ANXA3: variants seen among roughly 807,000 people sequenced by gnomAD.
The protein encoded by ANXA3 is annexin A3.
A neutral mutation model predicts 48.8 loss-of-function variants in ANXA3; 46 were observed. The observed-to-expected ratio is 0.94, with a 90% CI of 0.74 to 1.21. The LOEUF is 1.21. Ranked by LOEUF, ANXA3 falls within the 50% of genes most tolerant of loss-of-function variation. The probability of loss-of-function intolerance (pLI) is 0.00; values close to 1 mark genes in which losing one functional copy is unlikely to be tolerated. For missense variants in ANXA3, 383 were observed against 378.6 expected, an observed-to-expected ratio of 1.01 and a Z score of -0.10; for synonymous variants, 128 against 134.7, an observed-to-expected ratio of 0.95 and a Z score of 0.35.
chr4:78,603,475 T>A (rs1723586584), intron 11 of ANXA3: 1 of 152,212 alleles, frequency 6.6e-6, no homozygotes, highest in South Asian at 2.1e-4. Flanking sequence ...CCATCCCTAC[T>A]GCCTTTATTC....
At chr4:78,561,766 T>G (rs952456142) in intron 2 of ANXA3, among the ~76,000 whole-genome samples, 1 of 152,144 alleles carries the variant, frequency 6.6e-6, no homozygotes, top group Non-Finnish European at 1.5e-5. Context: ...TGTTCAAGTC[T>G]GCTGTGTGTT....
rs563800023 is a variant in ANXA3 at position 78,593,272 on chromosome 4, G to A, written c.483+1649G>A. Among the ~76,000 whole-genome samples, 26 of 151,882 alleles carry A rather than the reference G, an allele frequency of 1.7e-4. No individual in the cohort carries two copies. In the South Asian group the frequency reaches 2.3e-3, roughly 13 times the overall value. On this transcript the variant is annotated intron_variant, in intron 7 of 12. Coordinates refer to ENST00000264908, the MANE Select transcript of ANXA3 (RefSeq NM_005139.3). ...GACTGGAGTGCTGTGGTGCGATCTC[G>A]GCTCACTGCAACCTCTGCCTCCCAG...
At chr4:78,601,690 A>T in intron 11 of ANXA3, 122 bp downstream of exon 11, 1 of 820,428 alleles carries the variant, frequency 1.2e-6, no homozygotes, top group South Asian at 1.8e-5. Flanking sequence ...TTTTAAGATA[A>T]ATTATATTAC....
intron 2 of ANXA3, among the ~76,000 whole-genome samples, chr4:78,568,625 A>G (rs1722779166): frequency 6.6e-6 from 1 of 152,016 alleles, no homozygotes; most frequent in Non-Finnish European, 1.5e-5. Context: ...TTTCTCTTCC[A>G]CTCATCCTTC....
chr4:78,576,154 C>T (rs1266022815), intron 3 of ANXA3, among the ~76,000 whole-genome samples: 2 of 152,102 alleles, frequency 1.3e-5, no homozygotes, highest in Admixed American at 1.3e-4. Context: ...GCTCTTTGCC[C>T]TCCTCTATGA....
chr4:78,588,821 T>C (rs1010604354), intron 6 of ANXA3, among the ~76,000 whole-genome samples: 2 of 152,150 alleles, frequency 1.3e-5, no homozygotes, highest in East Asian at 1.9e-4. Flanking sequence ...TGGAACCTAA[T>C]AGGGAGCGGG....
chr4:78,561,631 ACTC>A (rs764919969), intron 2 of ANXA3, among the ~76,000 whole-genome samples: 4 of 151,844 alleles, frequency 2.6e-5, no homozygotes, highest in Non-Finnish European at 5.9e-5. Flanking sequence ...AATATGCTGA[ACTC>A]CTCCTCTGGT....
In ANXA3 at chr4:78,586,342, A is replaced by G. The variant is rs772058097; in HGVS notation, c.395A>G (p.Tyr132Cys). 7.4e-6 allele frequency: 12 copies of G among 1,611,222 alleles called. No individual in the cohort carries two copies. The highest frequency in any genetic ancestry group is 2.7e-5 in the African/African-American group (2 of 74,824). ...CAAATGAAGGATATCTCTCAAGCCT[A>G]TTATACAGGTGTCTTATTTTCTGCT... The part of the protein sequence containing the change: ...SRQMKDISQA[Y>C]YTVYKKSLGD... The change falls in exon 6 of 13, where the codon TAT becomes TGT. Residue 132 changes from tyrosine (Y) to cysteine (C), a missense_variant. Transcript: ENST00000264908.
chr4:78,562,467 T>G (rs1722645907), intron 2 of ANXA3, among the ~76,000 whole-genome samples: 2 of 152,216 alleles, frequency 1.3e-5, no homozygotes, highest in Non-Finnish European at 2.9e-5. Flanking sequence ...AGGTGAAGAT[T>G]GCATTTGTAG....
At chr4:78,568,358 C>A (rs1453870274) in intron 2 of ANXA3, among the ~76,000 whole-genome samples, 1 of 152,136 alleles carries the variant, frequency 6.6e-6, no homozygotes, top group Non-Finnish European at 1.5e-5. Flanking sequence ...AGCTTCATGA[C>A]CCAACATAGC....
At chr4:78,604,191 C>A in intron 11 of ANXA3, 86 bp from the exon 12 acceptor site, 1 of 1,258,868 alleles carries the variant, frequency 7.9e-7, no homozygotes, top group East Asian at 2.5e-5. Flanking sequence ...TTTTGCACAC[C>A]ATTATCTGAT....
chr4:78,584,177 T>C (rs187635613), intron 5 of ANXA3, among the ~76,000 whole-genome samples: 1 of 152,318 alleles, frequency 6.6e-6, no homozygotes, highest in Admixed American at 6.5e-5. Context: ...TAAAAGTATC[T>C]TGTCTATTTA....
intron 4 of ANXA3, 45 bp from the exon 5 acceptor site, chr4:78,582,132 G>C (rs1723083411): frequency 7.4e-7 from 1 of 1,350,070 alleles, no homozygotes; most frequent in East Asian, 2.3e-5. Flanking sequence ...TAGAGAAAGA[G>C]AAAAAAAGTA....
In ANXA3 at chr4:78,604,436, C is replaced by T. The variant is rs201907030; in HGVS notation, c.912+37C>T. ...TTTAAAAATAGCAAAACATATTTTG[C>T]CCTTCTCTACCCATCTCCTTACTCT... On this transcript the variant is annotated intron_variant, in intron 12 of 12. Transcript: ENST00000264908. 2.5e-6 allele frequency: 4 copies of T among 1,569,562 alleles called. No homozygotes were observed. In the South Asian group the frequency reaches 4.5e-5, roughly 18 times the overall value.
At chr4:78,566,801 C>G (rs992292704) in intron 2 of ANXA3, among the ~76,000 whole-genome samples, 1 of 152,082 alleles carries the variant, frequency 6.6e-6, no homozygotes. Context: ...TGCACTTGTA[C>G]CCCCTAAATA....
At chr4:78,570,821 A>G (rs1377479880) in intron 2 of ANXA3, among the ~76,000 whole-genome samples, 1 of 152,196 alleles carries the variant, frequency 6.6e-6, no homozygotes, top group East Asian at 1.9e-4. Flanking sequence ...ACAATCTAAC[A>G]TTGGGGTAGT....
At chr4:78,563,479 A>T (rs1354605078) in intron 2 of ANXA3, among the ~76,000 whole-genome samples, 1 of 135,760 alleles carries the variant, frequency 7.4e-6, no homozygotes, top group Admixed American at 7.9e-5. Flanking sequence ...TGATTAGGTT[A>T]GGTGGGGATT....
intron 6 of ANXA3, among the ~76,000 whole-genome samples, chr4:78,587,742 C>T (rs572589460): frequency 2.0e-4 from 30 of 152,226 alleles, no homozygotes; most frequent in African/African-American, 7.2e-4. Flanking sequence ...CAATTGGGTT[C>T]TAATCAGAAA....
chr4:78,569,117 C>T (rs1431348188), intron 2 of ANXA3, among the ~76,000 whole-genome samples: 3 of 152,180 alleles, frequency 2.0e-5, no homozygotes, highest in Admixed American at 6.5e-5. Context: ...GTTACTTTCC[C>T]CCTTTATCTA....
Sources: allele counts gnomAD v4.1 joint callset (sites outside exome capture counted in the v4.1 genomes callset), GRCh38; gene constraint gnomAD v4.1.1; transcripts MANE v1.5; gene names NCBI Gene and HGNC (gene_info 2026-07-23, HGNC 2026-07-21).